CACNA2D3: variants seen among roughly 807,000 people sequenced by gnomAD.
CACNA2D3 encodes the protein voltage-dependent calcium channel subunit alpha-2/delta-3.
In CACNA2D3, 60 loss-of-function variants were observed where a neutral mutation model predicts 160.6. That is an observed-to-expected ratio of 0.37 (90% confidence interval 0.30 to 0.46). The LOEUF is 0.46. Among genes scored for constraint, CACNA2D3 ranks in the 20% least tolerant of loss-of-function variants. The pLI, the probability that CACNA2D3 is intolerant of heterozygous loss-of-function variation, is 1.00. For synonymous variants in CACNA2D3, 558 were observed against 492.9 expected (o/e 1.13, Z -1.75); for missense variants, 1,205 against 1,365.0 (o/e 0.88, Z 1.85).
At chr3:54,747,801 A>G (rs967366180) in intron 11 of CACNA2D3, among the ~76,000 whole-genome samples, 55 of 151,788 alleles carry the variant, frequency 3.6e-4, no homozygotes, top group African/African-American at 1.3e-3. Flanking sequence ...CCCCCACTCC[A>G]TTTTGTCTAG....
chr3:54,861,796 C>T (rs908798449), intron 17 of CACNA2D3, among the ~76,000 whole-genome samples: 1 of 152,242 alleles, frequency 6.6e-6, no homozygotes, highest in African/African-American at 2.4e-5. Flanking sequence ...ACGCCACTTT[C>T]TCTGATTATA....
rs547689683 is a variant in CACNA2D3 at position 55,074,336 on chromosome 3, G to GATTTT, written c.*132_*136dup. On this transcript the variant is annotated 3_prime_UTR_variant, in exon 38 of 38. Coordinates refer to ENST00000474759, the MANE Select transcript of CACNA2D3 (RefSeq NM_018398.3). ...AGTCCAACCATCAGCATCTCATCAT[G>GATTTT]ATTTTAAACTGTGCGTGATATAAAC... 2.5e-4 allele frequency: 187 copies of GATTTT among 741,204 alleles called. 1 individual carries two copies. In the African/African-American group the frequency reaches 3.0e-3, roughly 12 times the overall value. 45.9% of individuals were successfully genotyped at this position (741,204 alleles called of 1,614,324 possible). A position where few individuals can be genotyped will look rare whatever the true frequency, so the allele number is the denominator to read the frequency against.
chr3:54,536,297 A>G (rs1387795990), intron 5 of CACNA2D3, among the ~76,000 whole-genome samples: 2 of 152,206 alleles, frequency 1.3e-5, no homozygotes, highest in Non-Finnish European at 1.5e-5. Context: ...TCATTGGATT[A>G]TAGGTTGCCC....
In CACNA2D3 at chr3:54,669,556, A is replaced by G. The variant is rs535742098; in HGVS notation, c.1167+27315A>G. ...GGTTGCAAACTGTAGGAAGTATAAA[A>G]GTGGACTGGTCTGTTGTTAATTTTT... is the stretch of plus-strand genomic sequence containing the variant. On this transcript the variant is annotated intron_variant, in intron 11 of 37. Coordinates refer to ENST00000474759, the MANE Select transcript of CACNA2D3 (RefSeq NM_018398.3). 3.9e-5 allele frequency among the ~76,000 whole-genome samples: 6 copies of G among 152,326 alleles called. No homozygotes were observed. In the South Asian group the frequency reaches 1.2e-3, roughly 32 times the overall value.
At chr3:54,806,493 C>G (rs538194414) in intron 13 of CACNA2D3, among the ~76,000 whole-genome samples, 15 of 151,956 alleles carry the variant, frequency 9.9e-5, no homozygotes, top group South Asian at 8.3e-4. Context: ...ATCCAACTTA[C>G]AAGGGATGTG....
chr3:54,299,516 T>C (rs890815575), intron 2 of CACNA2D3, among the ~76,000 whole-genome samples: 3 of 152,228 alleles, frequency 2.0e-5, no homozygotes, highest in Admixed American at 6.5e-5. Flanking sequence ...GCCCATCACT[T>C]GTGTTTTATG....
At chr3:54,747,025 T>A (rs1037219688) in intron 11 of CACNA2D3, among the ~76,000 whole-genome samples, 3 of 152,212 alleles carry the variant, frequency 2.0e-5, no homozygotes, top group Admixed American at 1.3e-4. Flanking sequence ...CCCACTGGAT[T>A]GTAAACTCCT....
At chr3:54,419,045 A>T (rs552930207) in intron 4 of CACNA2D3, among the ~76,000 whole-genome samples, 1 of 152,354 alleles carries the variant, frequency 6.6e-6, no homozygotes, top group South Asian at 2.1e-4. Flanking sequence ...AAAGTGGAGG[A>T]TCATCTCAAG....
chr3:54,642,566 C>G (rs1326280392), intron 11 of CACNA2D3, among the ~76,000 whole-genome samples: 1 of 152,014 alleles, frequency 6.6e-6, no homozygotes, highest in East Asian at 1.9e-4. Context: ...CATGTTGGGC[C>G]CAGCATCTAT....
At chr3:54,680,275 A>G (rs993986270) in intron 11 of CACNA2D3, among the ~76,000 whole-genome samples, 6 of 152,242 alleles carry the variant, frequency 3.9e-5, no homozygotes, top group African/African-American at 1.4e-4. Context: ...AGAAGCTGAT[A>G]ATCTTGCTCA....
At chr3:54,262,310 G>A (rs1163372017) in intron 2 of CACNA2D3, among the ~76,000 whole-genome samples, 1 of 152,086 alleles carries the variant, frequency 6.6e-6, no homozygotes, top group African/African-American at 2.4e-5. Flanking sequence ...AGATGGAAGA[G>A]GCATCATAAA....
chr3:54,300,293 A>G (rs1559914621), intron 2 of CACNA2D3, among the ~76,000 whole-genome samples: 1 of 152,318 alleles, frequency 6.6e-6, no homozygotes, highest in East Asian at 1.9e-4. Context: ...ATAGGATGTG[A>G]TGCCCTGTCA....
intron 2 of CACNA2D3, among the ~76,000 whole-genome samples, chr3:54,215,168 T>A (rs59293574): frequency 0.35 from 52,657 of 152,044 alleles, 10,161 homozygotes; most frequent in Non-Finnish European, 0.43. Context: ...CCCCATTTTA[T>A]CTTCATTCAA....
At chr3:54,804,204 A>G (rs1445545349) in intron 13 of CACNA2D3, among the ~76,000 whole-genome samples, 1 of 152,066 alleles carries the variant, frequency 6.6e-6, no homozygotes, top group Non-Finnish European at 1.5e-5. Context: ...CACACATAAC[A>G]ATATTAACTT....
At chr3:54,724,772 T>C (rs956867787) in intron 11 of CACNA2D3, among the ~76,000 whole-genome samples, 2 of 152,124 alleles carry the variant, frequency 1.3e-5, no homozygotes, top group African/African-American at 4.8e-5. Context: ...TTTAAAGCAG[T>C]GTGTAGAGGG....
intron 2 of CACNA2D3, among the ~76,000 whole-genome samples, chr3:54,155,624 TAACAC>T (rs1003078696): frequency 6.6e-6 from 1 of 152,202 alleles, no homozygotes; most frequent in Non-Finnish European, 1.5e-5. Flanking sequence ...GTTTTTCTCT[TAACAC>T]AAGCAGAAAC....
intron 5 of CACNA2D3, among the ~76,000 whole-genome samples, chr3:54,541,754 TAG>T (rs1701983052): frequency 6.6e-6 from 1 of 152,140 alleles, no homozygotes. Context: ...TGTCCTGAAT[TAG>T]AGACTAGAGA....
intron 9 of CACNA2D3, among the ~76,000 whole-genome samples, chr3:54,592,051 C>T (rs1193419577): frequency 3.3e-5 from 5 of 152,224 alleles, no homozygotes; most frequent in Non-Finnish European, 4.4e-5. Flanking sequence ...AATGAAAGGG[C>T]GTGAAGGGGC....
chr3:54,461,155 A>C (rs1316170765), intron 4 of CACNA2D3, among the ~76,000 whole-genome samples: 1 of 151,972 alleles, frequency 6.6e-6, no homozygotes, highest in Non-Finnish European at 1.5e-5. Context: ...AAGCTTTTTG[A>C]TGTGCTGCTG....
Sources: gnomAD v4.1 joint callset for allele counts (sites outside exome capture counted in the v4.1 genomes callset) on GRCh38, gnomAD v4.1.1 for gene constraint, MANE v1.5 for transcripts, NCBI Gene and HGNC (gene_info 2026-07-23, HGNC 2026-07-21) for gene names.